AHI1: variants seen among roughly 807,000 people sequenced by gnomAD.
AHI1 encodes jouberin.
A neutral mutation model predicts 149.3 loss-of-function variants in AHI1; 123 were observed. That is an observed-to-expected ratio of 0.82 (90% CI 0.71 to 0.96). AHI1 has a LOEUF of 0.96. Among genes scored for constraint, AHI1 ranks in the 40% least tolerant of loss-of-function variants. The pLI is 0.00. For missense variants in AHI1, 1,439 were observed against 1,422.7 expected (o/e 1.01, Z -0.18); for synonymous variants, 475 against 459.8 (o/e 1.03, Z -0.42).
At chr6:135,484,492 C>G (rs1794183822) in intron 5 of AHI1, among the ~76,000 whole-genome samples, 1 of 151,312 alleles carries the variant, frequency 6.6e-6, no homozygotes, top group South Asian at 2.1e-4. Flanking sequence ...TTTTTCATTC[C>G]TTTTGCTCAC....
intron 24 of AHI1, among the ~76,000 whole-genome samples, chr6:135,330,675 T>TG (rs1788437646): frequency 2.0e-5 from 3 of 152,244 alleles, no homozygotes; most frequent in African/African-American, 7.2e-5. Flanking sequence ...TGGTTTCACA[T>TG]GCTACCATCT....
rs957663202 is a variant in AHI1, at chr6:135,487,051, C to T, written c.135+3572G>A. ...AGAGTCTTGGGATTACAGGCATGAG[C>T]TACCATGCCTGGTCCTGATATTTTA... is the stretch of plus-strand genomic sequence containing the variant. On this transcript the variant is annotated intron_variant, in intron 5 of 28. Transcript: ENST00000265602. 2.5e-4 allele frequency among the ~76,000 whole-genome samples: 38 copies of T among 152,168 alleles called. 1 individual carries two copies. The highest frequency in any genetic ancestry group is 2.3e-3 in the Admixed American group (35 of 15,280).
intron 5 of AHI1, among the ~76,000 whole-genome samples, chr6:135,477,660 ACTCT>A (rs140797151): frequency 7.5e-5 from 11 of 145,886 alleles, no homozygotes; most frequent in East Asian, 2.0e-4. Context: ...CCTCCTTCGC[ACTCT>A]CTCTCTCTCT....
At chr6:135,318,810 T>C (rs1054795604) in intron 25 of AHI1, among the ~76,000 whole-genome samples, 194 bp from the exon 26 acceptor site, 5 of 152,238 alleles carry the variant, frequency 3.3e-5, no homozygotes, top group Non-Finnish European at 7.3e-5. Context: ...AGAACTATGA[T>C]TGGAAAATTT....
intron 5 of AHI1, among the ~76,000 whole-genome samples, chr6:135,484,200 T>A (rs1409607856): frequency 6.6e-6 from 1 of 152,146 alleles, no homozygotes; most frequent in Non-Finnish European, 1.5e-5. Context: ...CTCCCATGAT[T>A]CAATTACCTC....
At position 135,464,256 on chromosome 6, in the gene AHI1, A is replaced by G. The variant is rs1050235574; in HGVS notation, c.750-950T>C. The stretch of plus-strand genomic sequence containing the variant: ...ATTAGTCATTCCAGAAAGCCATTCT[A>G]TTTGATCACATCACCAAACCCTGTT... On this transcript the variant is annotated intron_variant, in intron 7 of 28. Coordinates refer to ENST00000265602, the MANE Select transcript of AHI1 (RefSeq NM_001134831.2). 5.3e-5 allele frequency among the ~76,000 whole-genome samples: 8 copies of G among 152,188 alleles called. No individual in the cohort carries two copies. The East Asian group carries it at 1.5e-3, about 29-fold the overall frequency.
intron 23 of AHI1, among the ~76,000 whole-genome samples, chr6:135,363,611 C>T (rs1346532339): frequency 1.3e-5 from 2 of 151,888 alleles, no homozygotes; most frequent in African/African-American, 4.8e-5. Flanking sequence ...CTCCTCACTT[C>T]CCAGTAGGGG....
chr6:135,359,984 A>G (rs1276339696), intron 23 of AHI1, among the ~76,000 whole-genome samples: 2 of 152,180 alleles, frequency 1.3e-5, no homozygotes, highest in Non-Finnish European at 2.9e-5. Context: ...TGGATTATCC[A>G]AAGTTATAAT....
intron 15 of AHI1, among the ~76,000 whole-genome samples, chr6:135,434,381 T>C (rs1465121536): frequency 6.6e-6 from 1 of 152,016 alleles, no homozygotes; most frequent in African/African-American, 2.4e-5. Context: ...TTTACCACAG[T>C]GTATTCTCAA....
chr6:135,456,252 T>C (rs959038718), intron 9 of AHI1, among the ~76,000 whole-genome samples: 62 of 152,174 alleles, frequency 4.1e-4, no homozygotes, highest in Admixed American at 8.5e-4. Context: ...TATAATAAAA[T>C]AGACATTGCC....
intron 20 of AHI1, among the ~76,000 whole-genome samples, chr6:135,420,799 G>A (rs1352763811): frequency 6.6e-6 from 1 of 152,104 alleles, no homozygotes; most frequent in Non-Finnish European, 1.5e-5. Flanking sequence ...CCTGTCATTT[G>A]TGTGTTCACT....
At chr6:135,302,888 A>G (rs1784064177) in intron 26 of AHI1, 1 of 1,108,548 alleles carries the variant, frequency 9.0e-7, no homozygotes, top group Admixed American at 2.6e-5. Flanking sequence ...CGACAACGCC[A>G]AAGAACATGA....
At chr6:135,325,306 C>T (rs1015820801) in intron 24 of AHI1, among the ~76,000 whole-genome samples, 2 of 152,204 alleles carry the variant, frequency 1.3e-5, no homozygotes, top group African/African-American at 2.4e-5. Context: ...GGATTACAGG[C>T]GTGAGCCACT....
chr6:135,351,135 C>CAAAAAAAAAAAAAAAAAAAA (rs1183574427), intron 24 of AHI1, among the ~76,000 whole-genome samples: 3 of 131,412 alleles, frequency 2.3e-5, no homozygotes, highest in African/African-American at 1.0e-4. Flanking sequence ...AAACAAAAAA[C>CAAAAAAAAAAAAAAAAAAAA]AAAAAAAACA....
chr6:135,408,947 C>T (rs1346413760), intron 21 of AHI1, among the ~76,000 whole-genome samples: 1 of 152,094 alleles, frequency 6.6e-6, no homozygotes, highest in African/African-American at 2.4e-5. Context: ...AACAAAGCAT[C>T]TTCCTCCTCA....
intron 20 of AHI1, among the ~76,000 whole-genome samples, chr6:135,412,325 G>A (rs568948704): frequency 1.3e-5 from 2 of 152,296 alleles, no homozygotes; most frequent in Admixed American, 1.3e-4. Flanking sequence ...TTTTATGTAA[G>A]TGACTTTAGC....
At chr6:135,289,870 G>C (rs1006233730) in intron 28 of AHI1, among the ~76,000 whole-genome samples, 1 of 151,804 alleles carries the variant, frequency 6.6e-6, no homozygotes, top group African/African-American at 2.4e-5. Flanking sequence ...CTACTTAATA[G>C]AGAAAAGGCC....
At chr6:135,430,100 C>T (rs1784440700) in intron 17 of AHI1, 100 bp from the exon 18 acceptor site, 4 of 669,660 alleles carry the variant, frequency 6.0e-6, no homozygotes, top group African/African-American at 3.7e-5. Flanking sequence ...TCCAATTCCA[C>T]TGTATAGGAT....
chr6:135,347,073 T>C (rs527856562), intron 24 of AHI1, among the ~76,000 whole-genome samples: 2 of 152,372 alleles, frequency 1.3e-5, no homozygotes, highest in Admixed American at 6.5e-5. Context: ...GCTGATGGAA[T>C]GTTTTCCAAG....
Sources: allele counts gnomAD v4.1 joint callset (sites outside exome capture counted in the v4.1 genomes callset), GRCh38; gene constraint gnomAD v4.1.1; transcripts MANE v1.5; gene names NCBI Gene and HGNC (gene_info 2026-07-23, HGNC 2026-07-21).